Variants in FRK observed in about 807,000 individuals in gnomAD.
The protein encoded by FRK is fyn related Src family tyrosine kinase, also known as tyrosine-protein kinase FRK.
A neutral mutation model predicts 56.4 loss-of-function variants in FRK; 51 were observed. The ratio of observed to expected loss-of-function variants is 0.90; its 90% CI spans 0.72 to 1.14. The LOEUF is 1.14. FRK is among the 50% of genes most tolerant of loss of function. FRK has a pLI of 0.00. For synonymous variants in FRK, 245 were observed against 217.9 expected, an observed-to-expected ratio of 1.12 and a Z score of -1.10; for missense variants, 570 against 601.4, an observed-to-expected ratio of 0.95 and a Z score of 0.55.
chr6:115,960,455 G>A (rs1462553781), intron 4 of FRK, among the ~76,000 whole-genome samples: 27 of 150,472 alleles, frequency 1.8e-4, no homozygotes, highest in African/African-American at 5.8e-4. Context: ...CAAGGCGGCA[G>A]CGAGGCTGGG....
chr6:115,975,500 G>A (rs769942031), intron 2 of FRK, among the ~76,000 whole-genome samples: 3 of 152,022 alleles, frequency 2.0e-5, no homozygotes, highest in African/African-American at 4.8e-5. Context: ...GCAAATTGTC[G>A]TTCTTAATGA....
At chr6:116,019,641 G>A (rs189096569) in intron 1 of FRK, among the ~76,000 whole-genome samples, 67 of 152,290 alleles carry the variant, frequency 4.4e-4, no homozygotes, top group Admixed American at 3.5e-3. Context: ...GTGGAAAAGG[G>A]AACTAGAAAT....
intron 2 of FRK, among the ~76,000 whole-genome samples, chr6:115,972,692 T>A (rs1773853865): frequency 1.3e-5 from 2 of 152,246 alleles, no homozygotes; most frequent in Non-Finnish European, 2.9e-5. Context: ...ACTTCTATTG[T>A]GTCTTAATAA....
chr6:116,019,284 T>C (rs1216834981), intron 1 of FRK, among the ~76,000 whole-genome samples: 4 of 152,198 alleles, frequency 2.6e-5, no homozygotes, highest in African/African-American at 9.6e-5. Context: ...CTTGCATTCA[T>C]ACTGTTGAAT....
rs548916542 is a variant in FRK at position 115,937,463 on chromosome 6, T to A, written c.*4951A>T. ...CTAGCATCATATGACAGAATCAAATTCACACATAACAATACTAACCTTAAA... is the reference window on the plus strand; with the variant it reads ...CTAGCATCATATGACAGAATCAAATACACACATAACAATACTAACCTTAAA... On this transcript the variant is annotated 3_prime_UTR_variant, in exon 8 of 8. Coordinates refer to ENST00000606080, the MANE Select transcript of FRK (RefSeq NM_002031.3). The A allele has an allele frequency of 6.6e-6, 1 of 152,182 alleles. No homozygotes were observed. Among genetic ancestry groups the A allele is most frequent in the East Asian group, 1.9e-4 (1 of 5,174 alleles). The allele number at this position is 152,182 out of a possible 1,614,324, so 9.4% of individuals were successfully genotyped here. A position where few individuals can be genotyped will look rare whatever the true frequency, so the allele number is the denominator to read the frequency against.
chr6:116,014,295 TA>T (rs1562286101), intron 1 of FRK, among the ~76,000 whole-genome samples: 1 of 152,070 alleles, frequency 6.6e-6, no homozygotes, highest in Non-Finnish European at 1.5e-5. Flanking sequence ...AAGGGAGAGA[TA>T]AAAGACCACT....
In FRK at chr6:115,981,661, G is replaced by A. The variant is rs565019267; in HGVS notation, c.467-12922C>T. ...CCCAATTTCAGCAATTAGTAGACAT[G>A]TTGAACAGGGTAAACATGAAAGTCA... is the stretch of plus-strand genomic sequence containing the variant. On this transcript the variant is annotated intron_variant, in intron 2 of 7. Transcript: ENST00000606080. 2.6e-5 allele frequency among the ~76,000 whole-genome samples: 4 copies of A among 152,150 alleles called. No homozygotes were observed. In the South Asian group the frequency reaches 6.2e-4, roughly 24 times the overall value.
intron 2 of FRK, among the ~76,000 whole-genome samples, chr6:115,984,335 A>G (rs967157060): frequency 4.6e-5 from 7 of 151,996 alleles, no homozygotes; most frequent in Non-Finnish European, 1.5e-5. Flanking sequence ...ACACTTATTG[A>G]GCTCTTATTG....
rs145460225 is a variant in FRK at position 115,967,612 on chromosome 6, G to A, written c.738C>T (p.Gly246=). 1.4e-3 allele frequency: 2,286 copies of A among 1,613,446 alleles called. 12 individuals are homozygous for A. The highest frequency in any genetic ancestry group is 8.9e-3 in the South Asian group (808 of 91,042). ...TGTTCCACAGACCTTCCCATACTTC[G>A]CCAAACTGACCAGATCCCAATCGCT... is the stretch of plus-strand genomic sequence containing the variant. ...LLKRLGSGQF[G]EVWEGLWNNT... Residue 246 remains glycine, a synonymous_variant, in exon 4 of 8, where the codon GGC becomes GGT. Transcript: ENST00000606080.
At chr6:116,075,478 A>T in the FRK span, among the ~76,000 whole-genome samples, 4 of 151,602 alleles carry the variant, frequency 2.6e-5, no homozygotes, top group African/African-American at 9.7e-5. Context: ...AAAAAAAAAA[A>T]AAAAACCTGG....
chr6:115,998,984 G>A (rs746104607), intron 2 of FRK, among the ~76,000 whole-genome samples: 3 of 152,116 alleles, frequency 2.0e-5, no homozygotes, highest in Non-Finnish European at 4.4e-5. Context: ...TAAAATCACA[G>A]TATTCAATGC....
chr6:116,091,483 A>G, the FRK span, among the ~76,000 whole-genome samples: 2 of 151,820 alleles, frequency 1.3e-5, no homozygotes, highest in African/African-American at 4.8e-5. Flanking sequence ...GAGCTCTAAC[A>G]CTCACCGCGA....
the FRK span, among the ~76,000 whole-genome samples, chr6:116,097,287 T>G: frequency 5.3e-5 from 8 of 152,190 alleles, no homozygotes; most frequent in African/African-American, 1.9e-4. Context: ...TTTTTCCTAT[T>G]TTTTTCCAAT....
At chr6:116,032,969 T>G (rs150745855) in intron 1 of FRK, among the ~76,000 whole-genome samples, 1 of 152,262 alleles carries the variant, frequency 6.6e-6, no homozygotes, top group African/African-American at 2.4e-5. Flanking sequence ...AATCAAGGGT[T>G]GTGAAATGCC....
Position 115,942,616 on chromosome 6 carries a change from C to CGTG in FRK, c.1315_1316insCAC (p.Gly439delinsAlaArg), listed in dbSNP as rs1473429463. On this transcript the variant is annotated protein_altering_variant, in exon 8 of 8. Coordinates refer to ENST00000606080, the MANE Select transcript of FRK (RefSeq NM_002031.3). ...AGCCAACATCTGGATTACCTGGGCA[C>CGTG]CTGTCATACCTTGAAAATACAGAAC... The CGTG allele has an allele frequency of 6.2e-7, 1 of 1,612,678 alleles. No individual in the cohort carries two copies. Among genetic ancestry groups the CGTG allele is most frequent in the Non-Finnish European group, 8.5e-7 (1 of 1,178,990 alleles).
intron 1 of FRK, among the ~76,000 whole-genome samples, chr6:116,006,571 C>T (rs569657694): frequency 2.0e-5 from 3 of 152,118 alleles, no homozygotes; most frequent in Non-Finnish European, 2.9e-5. Context: ...ACTAAAGAAT[C>T]CTGGCATTGA....
intron 1 of FRK, among the ~76,000 whole-genome samples, chr6:116,025,246 G>A (rs1024748365): frequency 1.3e-5 from 2 of 152,116 alleles, no homozygotes; most frequent in African/African-American, 4.8e-5. Context: ...CATTGCAGAG[G>A]ACCAGCTGGA....
chr6:115,998,180 C>T (rs781600587), intron 2 of FRK, among the ~76,000 whole-genome samples: 6 of 152,158 alleles, frequency 3.9e-5, no homozygotes, highest in Non-Finnish European at 8.8e-5. Flanking sequence ...GGACTCTGCT[C>T]ATCTTGCACC....
intron 4 of FRK, among the ~76,000 whole-genome samples, chr6:115,966,654 T>C (rs59714707): frequency 0.013 from 1,953 of 152,268 alleles, 39 homozygotes; most frequent in African/African-American, 0.045. Flanking sequence ...CTAGCCTATG[T>C]TGATTATTCT....
Sources: gnomAD v4.1 joint callset for allele counts (sites outside exome capture counted in the v4.1 genomes callset) on GRCh38, gnomAD v4.1.1 for gene constraint, MANE v1.5 for transcripts, NCBI Gene and HGNC (gene_info 2026-07-23, HGNC 2026-07-21) for gene names.